NLGN1: variants seen among roughly 807,000 people sequenced by gnomAD.
NLGN1 encodes the protein neuroligin 1.
Under a neutral mutation model 65.5 loss-of-function variants are expected in NLGN1, and 12 were observed. That is an observed-to-expected ratio of 0.18 (90% CI 0.12 to 0.30). The LOEUF is 0.30. NLGN1 is among the 10% of genes least tolerant of loss of function. NLGN1 has a pLI of 1.00. For missense variants in NLGN1, 750 were observed against 1,007.1 expected, an observed-to-expected ratio of 0.74 and a Z score of 3.46; for synonymous variants, 350 against 359.5, an observed-to-expected ratio of 0.97 and a Z score of 0.30.
chr3:174,050,304 A>G (rs554378185), intron 4 of NLGN1, among the ~76,000 whole-genome samples: 1 of 152,250 alleles, frequency 6.6e-6, no homozygotes, highest in Admixed American at 6.5e-5. Flanking sequence ...TCTGGAGTAC[A>G]CAGAGATCAC....
intron 4 of NLGN1, among the ~76,000 whole-genome samples, chr3:174,093,446 T>C (rs1243247103): frequency 6.6e-6 from 1 of 152,196 alleles, no homozygotes; most frequent in Non-Finnish European, 1.5e-5. Context: ...ACATGAGCTA[T>C]GCGTTAGAGG....
At chr3:173,531,221 A>G (rs1398558975) in intron 2 of NLGN1, among the ~76,000 whole-genome samples, 1 of 152,116 alleles carries the variant, frequency 6.6e-6, no homozygotes, top group Non-Finnish European at 1.5e-5. Flanking sequence ...AAATACTTTG[A>G]TGCCAAGAAA....
intron 4 of NLGN1, among the ~76,000 whole-genome samples, chr3:174,058,524 C>T (rs1273434449): frequency 6.6e-6 from 1 of 151,882 alleles, no homozygotes; most frequent in Non-Finnish European, 1.5e-5. Context: ...TGTCAAATTG[C>T]CTGAAACACA....
intron 4 of NLGN1, among the ~76,000 whole-genome samples, chr3:173,818,895 C>CT (rs200212547): frequency 0.017 from 1,615 of 92,396 alleles, 136 homozygotes; most frequent in African/African-American, 0.049. Flanking sequence ...TTGAATAGTT[C>CT]TTTTTTTTTT....
rs371102388 is a variant in NLGN1, at chr3:174,196,377, C to A, written c.647-78938C>A. Among the ~76,000 whole-genome samples, 94 of 152,106 alleles carry A rather than the reference C, an allele frequency of 6.2e-4. 1 individual carries two copies. In the South Asian group the frequency reaches 0.019, roughly 31 times the overall value. ...TTCCCAAGCTCTCCCAATAGTCATG[C>A]AAAATTATACTTACTTAGATTTTCT... On this transcript the variant is annotated intron_variant, in intron 4 of 6. Coordinates refer to ENST00000457714, the Ensembl canonical transcript of NLGN1.
At position 173,605,907 on chromosome 3, in the gene NLGN1, A is replaced by G. The variant is rs184326119; in HGVS notation, c.493+816A>G. On this transcript the variant is annotated intron_variant, in intron 3 of 6. Coordinates refer to ENST00000457714, the Ensembl canonical transcript of NLGN1. ...ATGATACCTGCAAGGAACCAAAACA[A>G]TGCTGTCTTAGGAACTGGTAACTTT... Among the ~76,000 whole-genome samples, 16 of 152,206 alleles carry G rather than the reference A, an allele frequency of 1.1e-4. 1 individual carries two copies. In the South Asian group the frequency reaches 2.5e-3, roughly 24 times the overall value.
chr3:173,846,320 A>G (rs183671199), intron 4 of NLGN1, among the ~76,000 whole-genome samples: 26 of 152,282 alleles, frequency 1.7e-4, no homozygotes, highest in African/African-American at 6.0e-4. Context: ...TCAGTAGATA[A>G]TGGGTGACCC....
intron 3 of NLGN1, among the ~76,000 whole-genome samples, chr3:173,645,881 T>C (rs572408110): frequency 3.3e-5 from 5 of 152,288 alleles, no homozygotes; most frequent in South Asian, 4.1e-4. Flanking sequence ...GCCATTCTCC[T>C]CGGCCCCCAC....
At chr3:173,843,461 C>A (rs2150690470) in intron 4 of NLGN1, among the ~76,000 whole-genome samples, 1 of 152,274 alleles carries the variant, frequency 6.6e-6, no homozygotes, top group South Asian at 2.1e-4. Context: ...GCTCTGCTTC[C>A]CTTAAAAAAC....
intron 3 of NLGN1, chr3:173,685,683 A>T: frequency 1.0e-6 from 1 of 985,314 alleles, no homozygotes; most frequent in Middle Eastern, 5.2e-4. Flanking sequence ...TCATGTAAGG[A>T]CTCAAATCCA....
intron 2 of NLGN1, among the ~76,000 whole-genome samples, chr3:173,577,750 A>G (rs1190508417): frequency 6.6e-6 from 1 of 152,198 alleles, no homozygotes; most frequent in Non-Finnish European, 1.5e-5. Flanking sequence ...CCAAACACAC[A>G]TGATCTTAGA....
chr3:174,274,979 TATG>T (rs1024730584), intron 4 of NLGN1, among the ~76,000 whole-genome samples: 2 of 151,872 alleles, frequency 1.3e-5, no homozygotes, highest in Admixed American at 1.3e-4. Context: ...ACATGAACCC[TATG>T]ATACTATCCA....
chr3:174,133,721 C>G (rs1668585993), intron 4 of NLGN1, among the ~76,000 whole-genome samples: 1 of 152,038 alleles, frequency 6.6e-6, no homozygotes, highest in Admixed American at 6.6e-5. Context: ...CGCACACTTC[C>G]CAAAGACAAG....
chr3:173,641,977 T>G (rs1214570891), intron 3 of NLGN1, among the ~76,000 whole-genome samples: 1 of 151,886 alleles, frequency 6.6e-6, no homozygotes, highest in Non-Finnish European at 1.5e-5. Context: ...AAAAAAAAAG[T>G]TTGCCAGTAT....
intron 3 of NLGN1, among the ~76,000 whole-genome samples, chr3:173,650,879 G>A (rs1290045195): frequency 6.6e-6 from 1 of 150,794 alleles, no homozygotes; most frequent in South Asian, 2.1e-4. Context: ...GACTGCTACT[G>A]CCTCTTGTTA....
chr3:173,786,362 C>G (rs774279713), intron 3 of NLGN1, among the ~76,000 whole-genome samples: 1 of 151,988 alleles, frequency 6.6e-6, no homozygotes. Context: ...TTTCTGTGAT[C>G]TTGTTCTCAT....
intron 3 of NLGN1, among the ~76,000 whole-genome samples, chr3:173,649,491 C>T (rs62289893): frequency 0.2 from 29,786 of 151,868 alleles, 3,114 homozygotes; most frequent in African/African-American, 0.26. Context: ...GTCAATTATA[C>T]CTGAACAAAG....
chr3:173,994,790 A>G lies in NLGN1; in HGVS notation c.646+186958A>G, dbSNP rs537661178. Among the ~76,000 whole-genome samples, 430 of 152,310 alleles carry G rather than the reference A, an allele frequency of 2.8e-3. 8 individuals carry two copies. Among genetic ancestry groups the G allele is most frequent in the African/African-American group, 9.5e-3 (394 of 41,566 alleles). ...ACTTCTGAACAGTTTTTGGAACACC[A>G]TGAGCATTTTACAAATGTCAGATAA... On this transcript the variant is annotated intron_variant, in intron 4 of 6. Transcript: ENST00000457714.
chr3:174,038,792 G>C (rs936748206), intron 4 of NLGN1, among the ~76,000 whole-genome samples: 10 of 152,058 alleles, frequency 6.6e-5, no homozygotes, highest in African/African-American at 2.2e-4. Flanking sequence ...TTTACTTCTT[G>C]ACTGTCCAGG....
Sources: allele counts gnomAD v4.1 joint callset (sites outside exome capture counted in the v4.1 genomes callset), GRCh38; gene constraint gnomAD v4.1.1; transcripts MANE v1.5; gene names NCBI Gene and HGNC (gene_info 2026-07-23, HGNC 2026-07-21).